KLF12: variants seen among roughly 807,000 people sequenced by gnomAD.
The protein encoded by KLF12 is KLF transcription factor 12.
KLF12 carries 9 observed loss-of-function variants against 37.8 expected under a neutral mutation model. The observed-to-expected ratio is 0.24, with a 90% CI of 0.14 to 0.42. KLF12 has a LOEUF of 0.42. Among genes scored for constraint, KLF12 ranks in the 10% least tolerant of loss-of-function variants. KLF12 has a pLI of 1.00. For synonymous variants in KLF12, 208 were observed against 202.1 expected (o/e 1.03, Z -0.25); for missense variants, 411 against 516.0 (o/e 0.80, Z 1.97).
At chr13:73,907,049 T>C (rs2139123963) in intron 3 of KLF12, among the ~76,000 whole-genome samples, 1 of 152,316 alleles carries the variant, frequency 6.6e-6, no homozygotes, top group Non-Finnish European at 1.5e-5. Flanking sequence ...GAAGCACATT[T>C]CTTCTAAGAG....
intron 3 of KLF12, among the ~76,000 whole-genome samples, chr13:73,871,272 T>A (rs879488213): frequency 6.6e-6 from 1 of 152,182 alleles, no homozygotes; most frequent in African/African-American, 2.4e-5. Flanking sequence ...GCTTCACAGC[T>A]ATGGTGGCGT....
intron 6 of KLF12, among the ~76,000 whole-genome samples, chr13:73,738,046 CATACGTGTGTATATATATATAT>C (rs1877593414): frequency 1.0e-5 from 1 of 96,754 alleles, no homozygotes; most frequent in African/African-American, 6.1e-5. Context: ...CACACACACA[CATACGTGTGTATATATATATAT>C]ACACACACAT....
chr13:73,800,073 T>A (rs1270475281), intron 5 of KLF12: 4 of 152,240 alleles, frequency 2.6e-5, no homozygotes, highest in African/African-American at 9.6e-5. Context: ...ATATTTTTTG[T>A]CATTTTCTAC....
In KLF12 at chr13:73,828,017, G is replaced by C. The variant is rs1221952955; in HGVS notation, c.671-14730C>G. 4.0e-5 allele frequency among the ~76,000 whole-genome samples: 6 copies of C among 151,812 alleles called. No individual in the cohort carries two copies. The East Asian group carries it at 1.2e-3, about 29-fold the overall frequency. On this transcript the variant is annotated intron_variant, in intron 4 of 7. Coordinates refer to ENST00000377669, the MANE Select transcript of KLF12 (RefSeq NM_007249.5). ...GGTATATTCTTTATGAGTCTTATCAGCATAAGACTCATATGTGTGGGCACT... is the reference window on the plus strand; with the variant it reads ...GGTATATTCTTTATGAGTCTTATCACCATAAGACTCATATGTGTGGGCACT...
At chr13:73,961,001 A>C (rs1209574728) in intron 2 of KLF12, among the ~76,000 whole-genome samples, 1 of 152,082 alleles carries the variant, frequency 6.6e-6, no homozygotes, top group African/African-American at 2.4e-5. Context: ...ACTTTTAAAG[A>C]TCTTACTCAT....
chr13:73,964,127 C>T (rs1039616114), intron 2 of KLF12, among the ~76,000 whole-genome samples: 2 of 152,158 alleles, frequency 1.3e-5, no homozygotes, highest in Non-Finnish European at 2.9e-5. Context: ...TTATACCATT[C>T]ATGACCTTCC....
Position 73,764,921 on chromosome 13 carries a change from T to A in KLF12, c.869+17A>T. On this transcript the variant is annotated intron_variant, in intron 6 of 7. Transcript: ENST00000377669. The stretch of plus-strand genomic sequence containing the variant: ...CCCGTAAGACCTACAAATACTCATA[T>A]TAGACTGTATACTCACCAAGGAAAC... 1.4e-6 allele frequency: 2 copies of A among 1,434,842 alleles called. No individual in the cohort carries two copies. 88.9% of individuals were successfully genotyped at this position (1,434,842 alleles called of 1,614,324 possible).
At chr13:73,996,269 A>G (rs968402597) in intron 1 of KLF12, among the ~76,000 whole-genome samples, 1 of 152,248 alleles carries the variant, frequency 6.6e-6, no homozygotes, top group Non-Finnish European at 1.5e-5. Flanking sequence ...GTGGCAGACT[A>G]AAAACATTCT....
At chr13:74,291,728 T>C in the KLF12 span, among the ~76,000 whole-genome samples, 1 of 152,010 alleles carries the variant, frequency 6.6e-6, no homozygotes. Context: ...TGGATATACA[T>C]ATATGTATCT....
chr13:74,189,076 C>T, the KLF12 span, among the ~76,000 whole-genome samples: 2 of 152,118 alleles, frequency 1.3e-5, no homozygotes, highest in Admixed American at 6.5e-5. Context: ...TGCTCCTGTG[C>T]CTCATGAATA....
chr13:74,098,943 T>C (rs183813214), intron 1 of KLF12, among the ~76,000 whole-genome samples: 7 of 152,310 alleles, frequency 4.6e-5, no homozygotes, highest in Non-Finnish European at 8.8e-5. Flanking sequence ...ATGGGTCTTA[T>C]TTTATAACAC....
At chr13:74,175,540 C>A in the KLF12 span, among the ~76,000 whole-genome samples, 4 of 152,304 alleles carry the variant, frequency 2.6e-5, no homozygotes, top group South Asian at 8.3e-4. Flanking sequence ...TCCTGAATCT[C>A]ACCTCTGATG....
At position 73,795,984 on chromosome 13, in the gene KLF12, T is replaced by C. The variant is rs1456600560; in HGVS notation, c.806+17168A>G. 2.6e-5 allele frequency among the ~76,000 whole-genome samples: 4 copies of C among 152,228 alleles called. No individual in the cohort carries two copies. In the East Asian group the frequency reaches 5.8e-4, roughly 22 times the overall value. ...ACTCTGGCATATACTGGGCTTTTAA[T>C]AAGTATATTTTGAATGGGTCAAACT... On this transcript the variant is annotated intron_variant, in intron 5 of 7. Transcript: ENST00000377669.
chr13:73,894,998 T>C (rs1237226575), intron 3 of KLF12, among the ~76,000 whole-genome samples: 1 of 152,236 alleles, frequency 6.6e-6, no homozygotes, highest in African/African-American at 2.4e-5. Flanking sequence ...TCTTGGCTTA[T>C]GTGGAAAATG....
chr13:73,957,403 C>T (rs1013179418), intron 2 of KLF12, among the ~76,000 whole-genome samples: 2 of 152,146 alleles, frequency 1.3e-5, no homozygotes, highest in East Asian at 3.9e-4. Flanking sequence ...GCAATGGAAA[C>T]TGAAAGAAAC....
chr13:73,861,060 T>G (rs984807048), intron 3 of KLF12, among the ~76,000 whole-genome samples: 1 of 152,190 alleles, frequency 6.6e-6, no homozygotes, highest in African/African-American at 2.4e-5. Flanking sequence ...CATCTCTCAA[T>G]ATGTCACAGT....
At chr13:73,704,702 G>A (rs775505893) in intron 7 of KLF12, among the ~76,000 whole-genome samples, 1 of 152,128 alleles carries the variant, frequency 6.6e-6, no homozygotes, top group African/African-American at 2.4e-5. Context: ...TGGCCCCATA[G>A]TACCCTGAGA....
chr13:73,768,043 A>G (rs918417580), intron 5 of KLF12, among the ~76,000 whole-genome samples: 44 of 152,276 alleles, frequency 2.9e-4, no homozygotes, highest in Admixed American at 2.5e-3. Flanking sequence ...ACTTAATGCA[A>G]TCTTATCATC....
the KLF12 span, among the ~76,000 whole-genome samples, chr13:74,255,982 C>T: frequency 2.6e-5 from 4 of 152,016 alleles, no homozygotes; most frequent in East Asian, 5.8e-4. Flanking sequence ...GATGAAACCC[C>T]GTCTCTGCTA....
Sources: allele counts gnomAD v4.1 joint callset (sites outside exome capture counted in the v4.1 genomes callset), GRCh38; gene constraint gnomAD v4.1.1; transcripts MANE v1.5; gene names NCBI Gene and HGNC (gene_info 2026-07-23, HGNC 2026-07-21).